The following ARHGAP6 variants were observed in gnomAD, a reference collection of about 807,000 sequenced individuals.
ARHGAP6 encodes rho GTPase-activating protein 6.
In ARHGAP6, 16 loss-of-function variants were observed where a neutral mutation model predicts 55.7. That is an observed-to-expected ratio of 0.29 (90% CI 0.19 to 0.44). The LOEUF (loss-of-function observed/expected upper bound fraction) is 0.44. Ranked by LOEUF, ARHGAP6 falls within the 20% of genes least tolerant of loss-of-function variation. The pLI, the probability that ARHGAP6 is intolerant of heterozygous loss-of-function variation, is 1.00. For synonymous variants in ARHGAP6, 382 were observed against 360.9 expected, an observed-to-expected ratio of 1.06 and a Z score of -0.66; for missense variants, 698 against 808.9, an observed-to-expected ratio of 0.86 and a Z score of 1.66.
At chrX:11,559,524 G>A (rs1259711222) in intron 1 of ARHGAP6, among the ~76,000 whole-genome samples, 1 of 111,722 alleles carries the variant, frequency 9.0e-6, no homozygotes, top group Non-Finnish European at 1.9e-5. Flanking sequence ...TGGCCCCCAA[G>A]TTTTTTCCCA....
chrX:11,582,880 A>C (rs2051681742), intron 1 of ARHGAP6, among the ~76,000 whole-genome samples: 1 of 111,716 alleles, frequency 9.0e-6, no homozygotes, highest in Non-Finnish European at 1.9e-5. Context: ...ACACATATGC[A>C]ATATTTATTT....
At chrX:11,431,914 C>T (rs1383853956) in intron 1 of ARHGAP6, among the ~76,000 whole-genome samples, 2 of 112,018 alleles carry the variant, frequency 1.8e-5, no homozygotes, top group African/African-American at 6.5e-5. Flanking sequence ...GGTTTCTCAA[C>T]CCCAGCACTC....
intron 1 of ARHGAP6, among the ~76,000 whole-genome samples, chrX:11,660,532 A>C (rs1262685900): frequency 3.1e-4 from 3 of 9,743 alleles, no homozygotes; most frequent in Non-Finnish European, 5.0e-4. Flanking sequence ...CTCTCTCTCA[A>C]AAAAAAAAAA....
intron 2 of ARHGAP6, among the ~76,000 whole-genome samples, chrX:11,206,807 A>G (rs1381119004): frequency 2.7e-5 from 3 of 111,230 alleles, no homozygotes; most frequent in Non-Finnish European, 5.6e-5. Context: ...GATTTTAGGA[A>G]CTTAGTTCAA....
intron 1 of ARHGAP6, among the ~76,000 whole-genome samples, chrX:11,593,359 C>T (rs2051861227): frequency 9.0e-6 from 1 of 111,400 alleles, no homozygotes; most frequent in Non-Finnish European, 1.9e-5. Context: ...GACTACATGC[C>T]ATATGATTCC....
chrX:11,345,215 C>T (rs2048764428), intron 1 of ARHGAP6, among the ~76,000 whole-genome samples: 1 of 111,536 alleles, frequency 9.0e-6, no homozygotes, highest in African/African-American at 3.3e-5. Context: ...ATACTATGCA[C>T]CAGTGATGCT....
At chrX:11,533,393 C>T (rs143856161) in intron 1 of ARHGAP6, among the ~76,000 whole-genome samples, 1,303 of 111,811 alleles carry the variant, frequency 0.012, 8 homozygotes, top group South Asian at 0.015. Context: ...AATATATCCC[C>T]TCATTGCCAC....
chrX:11,497,375 C>T (rs933867521), intron 1 of ARHGAP6, among the ~76,000 whole-genome samples: 1 of 110,881 alleles, frequency 9.0e-6, no homozygotes, highest in African/African-American at 3.3e-5. Flanking sequence ...GAATGTATCC[C>T]CCTAAAATTC....
intron 6 of ARHGAP6, among the ~76,000 whole-genome samples, chrX:11,181,611 G>T (rs1031522921): frequency 6.3e-5 from 7 of 111,948 alleles, no homozygotes; most frequent in Admixed American, 3.8e-4. Context: ...GGGGGTCAAT[G>T]GTTCTATGGA....
At chrX:11,197,039 G>A in intron 2 of ARHGAP6, 43 bp from the exon 3 acceptor site, 1 of 675,276 alleles carries the variant, frequency 1.5e-6, no homozygotes, top group South Asian at 2.4e-5. Flanking sequence ...AAACATATAA[G>A]TGATATTTTA....
At chrX:11,612,583 G>A (rs971983744) in intron 1 of ARHGAP6, among the ~76,000 whole-genome samples, 1 of 112,050 alleles carries the variant, frequency 8.9e-6, no homozygotes, top group Non-Finnish European at 1.9e-5. Flanking sequence ...TGTGAACCAG[G>A]AAGTAGACCG....
chrX:11,268,809 T>C (rs770735123), intron 1 of ARHGAP6, among the ~76,000 whole-genome samples: 1 of 111,384 alleles, frequency 9.0e-6, no homozygotes, highest in African/African-American at 3.3e-5. Flanking sequence ...ACCAACTGAA[T>C]GTGGCAGAAG....
chrX:11,568,473 T>C (rs949011488), intron 1 of ARHGAP6, among the ~76,000 whole-genome samples: 3 of 112,392 alleles, frequency 2.7e-5, no homozygotes, highest in African/African-American at 9.7e-5. Flanking sequence ...CTGGTAGTAA[T>C]AGAAAACTGT....
chrX:11,311,508 T>C (rs1283894775), intron 1 of ARHGAP6, among the ~76,000 whole-genome samples: 1 of 111,952 alleles, frequency 8.9e-6, no homozygotes, highest in Non-Finnish European at 1.9e-5. Flanking sequence ...GTGGCCCCAG[T>C]TAGCTACAAC....
At chrX:11,195,959 C>CAAAAAAAAA (rs1024986729) in intron 3 of ARHGAP6, among the ~76,000 whole-genome samples, 22 of 8,415 alleles carry the variant, frequency 2.6e-3, no homozygotes, top group Non-Finnish European at 4.5e-3. Flanking sequence ...ACTAAAAATA[C>CAAAAAAAAA]AAAAAAAAAA....
chrX:11,544,880 T>C (rs771658826), intron 1 of ARHGAP6, among the ~76,000 whole-genome samples: 2 of 112,710 alleles, frequency 1.8e-5, no homozygotes, highest in Non-Finnish European at 3.7e-5. Context: ...GCCAACGCTA[T>C]TTGTCAGAAA....
chrX:11,548,535 T>C (rs781215203), intron 1 of ARHGAP6, among the ~76,000 whole-genome samples: 2 of 112,218 alleles, frequency 1.8e-5, no homozygotes, highest in South Asian at 3.7e-4. Context: ...GTCTGACTTA[T>C]CTTGCTTAAC....
intron 1 of ARHGAP6, among the ~76,000 whole-genome samples, chrX:11,316,007 G>A (rs2048356327): frequency 9.0e-6 from 1 of 111,728 alleles, no homozygotes; most frequent in African/African-American, 3.3e-5. Flanking sequence ...TTTTCCAGTA[G>A]ATCAGGCCAA....
intron 10 of ARHGAP6, among the ~76,000 whole-genome samples, chrX:11,154,933 T>G (rs1394668347): frequency 8.9e-6 from 1 of 112,240 alleles, no homozygotes; most frequent in African/African-American, 3.2e-5. Context: ...CAGGCCTTAC[T>G]TTCAACAGAA....
Sources: gnomAD v4.1 joint callset for allele counts (sites outside exome capture counted in the v4.1 genomes callset) on GRCh38, gnomAD v4.1.1 for gene constraint, MANE v1.5 for transcripts, NCBI Gene and HGNC (gene_info 2026-07-23, HGNC 2026-07-21) for gene names.